The following AXIN2 variants were observed in gnomAD, a reference collection of about 807,000 sequenced individuals.
AXIN2 encodes axin-2.
A neutral mutation model predicts 74.7 loss-of-function variants in AXIN2; 21 were observed. The ratio of observed to expected loss-of-function variants is 0.28; its 90% CI spans 0.20 to 0.40. The LOEUF (loss-of-function observed/expected upper bound fraction) is 0.40. Among genes scored for constraint, AXIN2 ranks in the 10% least tolerant of loss-of-function variants. The probability of loss-of-function intolerance (pLI) is 1.00; values close to 1 mark genes in which losing one functional copy is unlikely to be tolerated. For synonymous variants in AXIN2, 532 were observed against 454.9 expected, an observed-to-expected ratio of 1.17 and a Z score of -2.16; for missense variants, 1,144 against 1,111.1, an observed-to-expected ratio of 1.03 and a Z score of -0.42.
rs1555577797 is a variant in AXIN2 at position 65,537,562 on chromosome 17, C to T, written c.1474G>A (p.Ala492Thr). 18 of 1,611,290 alleles carry T rather than the reference C, an allele frequency of 1.1e-5. No individual in the cohort carries two copies. The highest frequency in any genetic ancestry group is 2.2e-5 in the South Asian group (2 of 91,000). The change falls in exon 6 of 11, where the codon GCC becomes ACC. Residue 492 changes from alanine (A) to threonine (T), a missense_variant. By Grantham distance (58) the Ala-to-Thr change is moderately conservative (BLOSUM62 0). This residue lies in a region of AXIN2 where 1,053 missense variants were observed against 973.5 expected (regional missense o/e 1.08). Coordinates refer to ENST00000307078, the MANE Select transcript of AXIN2 (RefSeq NM_004655.4). ...AGGAGGGGGCAGGCGCCCGGCGAGG[C>T]GGCCGCGGGAGGCAGCTTGCCACCG... ...PPGGKLPPAA[A>T]SPGACPLLGG...
rs1244431726 is a variant in AXIN2 at position 65,536,357 on chromosome 17, G to A, written c.2104C>T (p.Arg702Cys). 10 of 1,613,292 alleles carry A rather than the reference G, an allele frequency of 6.2e-6. No individual in the cohort carries two copies. The highest frequency in any genetic ancestry group is 2.2e-5 in the South Asian group (2 of 91,000). The change falls in exon 8 of 11, where the codon CGC (arginine) becomes TGC (cysteine). Residue 702 changes from arginine to cysteine, a missense_variant. Around this residue, in one of 4 missense-constraint regions of AXIN2, gnomAD observed 1,053 missense variants for 973.5 expected, o/e 1.08. Coordinates refer to ENST00000307078, the MANE Select transcript of AXIN2 (RefSeq NM_004655.4). ...NTLAQLEEAC[R>C]RLAEVSKPPK... ...GGCTTCGACACCTCAGCTAGCCTGC[G>A]ACAGGCCTCCTCCAGCTGAGCCAGC...
In AXIN2 at chr17:65,559,029, C is replaced by G. The variant is rs12949046; in HGVS notation, c.-116-293G>C. On this transcript the variant is annotated intron_variant, in intron 1 of 10. Transcript: ENST00000307078. ...AAGAGCTGGGGACGGCAGGGGGACACTGGAGGTGTAAGACACAACCTTCCA... is the reference window on the plus strand; with the variant it reads ...AAGAGCTGGGGACGGCAGGGGGACAGTGGAGGTGTAAGACACAACCTTCCA... Among the ~76,000 whole-genome samples, 63,585 of 151,852 alleles carry G rather than the reference C, an allele frequency of 0.42. 16,027 individuals carry two copies. The highest frequency in any genetic ancestry group is 0.56 in the Non-Finnish European group (37,761 of 67,890).
chr17:65,553,936 C>T (rs138890810), intron 2 of AXIN2, among the ~76,000 whole-genome samples: 63 of 151,796 alleles, frequency 4.2e-4, no homozygotes, highest in African/African-American at 1.4e-3. Context: ...CCAGTTGCTG[C>T]AAGGATTTTA....
At chr17:65,544,562 A>C (rs2044090502) in intron 3 of AXIN2, among the ~76,000 whole-genome samples, 1 of 152,194 alleles carries the variant, frequency 6.6e-6, no homozygotes, top group South Asian at 2.1e-4. Context: ...ATCTTCTTCC[A>C]AAACAGCCCC....
intron 9 of AXIN2, 29 bp downstream of exon 9, chr17:65,535,597 T>C: frequency 6.3e-7 from 1 of 1,593,506 alleles, no homozygotes; most frequent in Non-Finnish European, 8.6e-7. Context: ...ACTCGGCAGA[T>C]CTCAGTAATG....
intron 2 of AXIN2, among the ~76,000 whole-genome samples, chr17:65,555,806 C>T (rs1032433110): frequency 4.6e-5 from 7 of 152,060 alleles, no homozygotes; most frequent in East Asian, 1.9e-4. Flanking sequence ...ATATCTTGCA[C>T]GTTAAAATGA....
rs778440284 is a variant in AXIN2 at position 65,537,311 on chromosome 17, G to T, written c.1712+13C>A. On this transcript the variant is annotated intron_variant, in intron 6 of 10. Transcript: ENST00000307078. The stretch of plus-strand genomic sequence containing the variant: ...AGCCCCACACGGGACACTGCGGTCC[G>T]CCCGGCACTTACCCAAACTGCTCGC... The T allele has an allele frequency of 6.2e-7, 1 of 1,613,756 alleles. No homozygotes were observed. Among genetic ancestry groups the T allele is most frequent in the Non-Finnish European group, 8.5e-7 (1 of 1,180,024 alleles).
chr17:65,551,645 T>C (rs902141181), intron 2 of AXIN2, among the ~76,000 whole-genome samples: 1 of 151,960 alleles, frequency 6.6e-6, no homozygotes, highest in African/African-American at 2.4e-5. Flanking sequence ...GAAAAGAAGG[T>C]AGGAGAGGCA....
In AXIN2 at chr17:65,535,661, G is replaced by A. The variant is rs2144432898; in HGVS notation, c.2202C>T (p.Ala734=). Residue 734 remains alanine (A), a synonymous_variant, in exon 9 of 11, where the codon GCC becomes GCT. Coordinates refer to ENST00000307078, the MANE Select transcript of AXIN2 (RefSeq NM_004655.4). The part of the protein sequence containing the change: ...RNHSATVQTG[A]TPFSNPSLAP... The stretch of plus-strand genomic sequence containing the variant: ...CCAGGCTTGGATTGGAGAAGGGTGT[G>A]GCTCCCGTCTGAACAGTGGCCGAAT... 2 of 1,614,220 alleles carry A rather than the reference G, an allele frequency of 1.2e-6. No individual in the cohort carries two copies. The highest frequency in any genetic ancestry group is 2.2e-5 in the South Asian group (2 of 91,082).
chr17:65,554,330 G>A (rs1033405332), intron 2 of AXIN2, among the ~76,000 whole-genome samples: 11 of 152,310 alleles, frequency 7.2e-5, no homozygotes, highest in African/African-American at 2.4e-4. Context: ...TGTGCGTTCA[G>A]GGCTTTCCAA....
intron 3 of AXIN2, among the ~76,000 whole-genome samples, chr17:65,547,834 A>C (rs2144529350): frequency 6.6e-6 from 1 of 152,304 alleles, no homozygotes; most frequent in Admixed American, 6.5e-5. Context: ...AGGGAGAATG[A>C]AAAGAGAAAA....
rs773157765 is a variant in AXIN2, at chr17:65,536,554, C to T, written c.1908-1G>A. 7 of 1,613,444 alleles carry T rather than the reference C, an allele frequency of 4.3e-6. No homozygotes were observed. Among genetic ancestry groups the T allele is most frequent in the South Asian group, 1.1e-5 (1 of 91,082 alleles). On this transcript the variant is annotated splice_acceptor_variant, in intron 7 of 10. Coordinates refer to ENST00000307078, the MANE Select transcript of AXIN2 (RefSeq NM_004655.4). LOFTEE classifies it high-confidence loss of function. ...GTAGGCCTTTTTTGTGCTTTGGGCA[C>T]TAAACAAGGAATGAGCAGAGAGAAA... is the stretch of plus-strand genomic sequence containing the variant.
chr17:65,532,373 A>G (rs2043836456), intron 10 of AXIN2, among the ~76,000 whole-genome samples: 1 of 152,208 alleles, frequency 6.6e-6, no homozygotes, highest in African/African-American at 2.4e-5. Flanking sequence ...GAATCCCCAG[A>G]GGGACACACT....
At position 65,552,857 on chromosome 17, in the gene AXIN2, C is replaced by T. The variant is rs901131739; in HGVS notation, c.816-3197G>A. On this transcript the variant is annotated intron_variant, in intron 2 of 10. Transcript: ENST00000307078. ...CAGCCTGACCAACATGGAGAAACCC[C>T]GTCTCTACTAAAAATACAAAACTAG... is the stretch of plus-strand genomic sequence containing the variant. Among the ~76,000 whole-genome samples the T allele has an allele frequency of 4.6e-5, 7 of 151,988 alleles. No homozygotes were observed. In the East Asian group the frequency reaches 9.7e-4, roughly 21 times the overall value.
In AXIN2 at chr17:65,549,570, T is replaced by C. The variant is rs1567763500; in HGVS notation, c.906A>G (p.Ile302Met). Residue 302 changes from isoleucine to methionine, a missense_variant, in exon 3 of 11, where the codon ATA becomes ATG. By Grantham distance (10) the Ile-to-Met change is conservative. Transcript: ENST00000307078. ...APATSANDSE[I>M]SSDALTDDSM... is the part of the protein sequence containing the mutation. ...AATCATCCGTCAGCGCATCACTGGA[T>C]ATCTCACTGTCGTTGGCGCTGGTGG... 1 of 1,610,674 alleles carries C rather than the reference T, an allele frequency of 6.2e-7. No individual in the cohort carries two copies. Among genetic ancestry groups the C allele is most frequent in the Non-Finnish European group, 8.5e-7 (1 of 1,178,516 alleles).
At chr17:65,551,986 T>C (rs1007456486) in intron 2 of AXIN2, among the ~76,000 whole-genome samples, 2 of 152,216 alleles carry the variant, frequency 1.3e-5, no homozygotes, top group Non-Finnish European at 2.9e-5. Context: ...ACTTGGACAC[T>C]CTGACCCTGT....
intron 2 of AXIN2, among the ~76,000 whole-genome samples, chr17:65,554,952 T>C (rs754042304): frequency 7.2e-5 from 11 of 152,140 alleles, no homozygotes; most frequent in Admixed American, 2.0e-4. Flanking sequence ...TTACACGTGC[T>C]CCTACCAACA....
intron 5 of AXIN2, 110 bp downstream of exon 5, chr17:65,538,093 A>T (rs1265833613): frequency 6.4e-7 from 1 of 1,571,814 alleles, no homozygotes; most frequent in Non-Finnish European, 8.6e-7. Context: ...GCGCATGCGC[A>T]TGCAACCCAC....
intron 3 of AXIN2, among the ~76,000 whole-genome samples, chr17:65,544,458 C>G (rs1006344745): frequency 1.4e-5 from 2 of 142,976 alleles, no homozygotes; most frequent in Non-Finnish European, 3.0e-5. Flanking sequence ...AACTTGTAAC[C>G]AGAGCAGAAA....
Sources: gnomAD v4.1 joint callset for allele counts (sites outside exome capture counted in the v4.1 genomes callset) on GRCh38, gnomAD v4.1.1 for gene constraint, gnomAD v4.1.1 regional missense constraint, MANE v1.5 for transcripts, NCBI Gene and HGNC (gene_info 2026-07-23, HGNC 2026-07-21) for gene names.